The following BACH2 variants were observed in gnomAD, a reference collection of about 807,000 sequenced individuals.
BACH2 encodes transcription regulator protein BACH2.
A neutral mutation model predicts 61.8 loss-of-function variants in BACH2; 5 were observed. That is an observed-to-expected ratio of 0.08 (90% CI 0.04 to 0.17). BACH2 has a LOEUF of 0.17. Ranked by LOEUF, BACH2 falls within the 10% of genes least tolerant of loss-of-function variation. The pLI, the probability that BACH2 is intolerant of heterozygous loss-of-function variation, is 1.00. For synonymous variants in BACH2, 446 were observed against 440.1 expected (o/e 1.01, Z -0.17); for missense variants, 824 against 1,091.1 (o/e 0.76, Z 3.45).
chr6:90,149,270 C>T (rs973723399), intron 4 of BACH2, among the ~76,000 whole-genome samples: 5 of 152,186 alleles, frequency 3.3e-5, no homozygotes, highest in Non-Finnish European at 7.3e-5. Context: ...ATGTAAAAGG[C>T]TCATGTTTAC....
chr6:90,053,121 C>T (rs1289998318), intron 5 of BACH2, among the ~76,000 whole-genome samples: 1 of 152,150 alleles, frequency 6.6e-6, no homozygotes, highest in East Asian at 1.9e-4. Flanking sequence ...ATAATGCAAA[C>T]TCTGATTATC....
intron 4 of BACH2, among the ~76,000 whole-genome samples, chr6:90,108,454 G>C (rs923119864): frequency 2.0e-5 from 3 of 152,158 alleles, no homozygotes; most frequent in Non-Finnish European, 4.4e-5. Flanking sequence ...AGGTCAAGAA[G>C]AATCTAGTTA....
intron 3 of BACH2, among the ~76,000 whole-genome samples, chr6:90,233,377 TG>T: frequency 6.6e-6 from 1 of 152,344 alleles, no homozygotes; most frequent in East Asian, 1.9e-4. Flanking sequence ...CTGCCTTGGA[TG>T]GATCTTGTCT....
intron 4 of BACH2, among the ~76,000 whole-genome samples, chr6:90,172,685 T>C (rs1337191316): frequency 1.3e-5 from 2 of 152,016 alleles, no homozygotes; most frequent in African/African-American, 4.8e-5. Flanking sequence ...ATAGAAGGTA[T>C]TTTCAATCAA....
rs148882217 is a variant in BACH2, at chr6:89,937,331, T to C, written c.2043+813A>G. On this transcript the variant is annotated intron_variant, in intron 8 of 8. Coordinates refer to ENST00000257749, the MANE Select transcript of BACH2 (RefSeq NM_021813.4). ...GAAAGCAGTGGTACAAGACACGATT[T>C]GGAATCAGACACCTGGGTTTGCATT... 7.4e-3 allele frequency among the ~76,000 whole-genome samples: 1,124 copies of C among 152,298 alleles called. 4 individuals carry two copies. Among genetic ancestry groups the C allele is most frequent in the Admixed American group, 0.011 (169 of 15,296 alleles).
At chr6:90,250,279 TAAG>T (rs1008087834) in intron 3 of BACH2, among the ~76,000 whole-genome samples, 1 of 152,202 alleles carries the variant, frequency 6.6e-6, no homozygotes, top group African/African-American at 2.4e-5. Context: ...CAATCTACAC[TAAG>T]AATACTATTT....
intron 4 of BACH2, among the ~76,000 whole-genome samples, chr6:90,180,181 CT>C (rs1459440991): frequency 2.6e-5 from 4 of 151,936 alleles, no homozygotes; most frequent in Admixed American, 1.3e-4. Flanking sequence ...AAAAATTTAA[CT>C]TTTTAAAATA....
intron 5 of BACH2, among the ~76,000 whole-genome samples, chr6:90,074,919 G>A (rs1781403874): frequency 6.6e-6 from 1 of 152,126 alleles, no homozygotes; most frequent in Non-Finnish European, 1.5e-5. Flanking sequence ...AGACAGACAT[G>A]GGTAGGTAAG....
intron 4 of BACH2, among the ~76,000 whole-genome samples, chr6:90,169,236 AC>A (rs1422730077): frequency 4.6e-5 from 7 of 152,114 alleles, no homozygotes; most frequent in African/African-American, 1.7e-4. Context: ...AATTAGAAAA[AC>A]CACTAAAGTG....
intron 5 of BACH2, among the ~76,000 whole-genome samples, chr6:90,016,452 T>C (rs1157548699): frequency 6.6e-6 from 1 of 152,200 alleles, no homozygotes; most frequent in Non-Finnish European, 1.5e-5. Context: ...AATATGCTTC[T>C]TTAAGTTATC....
At chr6:90,189,476 C>T (rs551986341) in intron 4 of BACH2, among the ~76,000 whole-genome samples, 3 of 152,092 alleles carry the variant, frequency 2.0e-5, no homozygotes, top group East Asian at 3.9e-4. Flanking sequence ...GGCGCGGTGG[C>T]GGGCGCCCGT....
chr6:90,215,390 A>G (rs560315102), intron 3 of BACH2, among the ~76,000 whole-genome samples: 1 of 152,242 alleles, frequency 6.6e-6, no homozygotes, highest in Admixed American at 6.5e-5. Flanking sequence ...GTGAGTATAG[A>G]CACCATAGCC....
chr6:90,181,965 G>T (rs900234385), intron 4 of BACH2, among the ~76,000 whole-genome samples: 3 of 152,108 alleles, frequency 2.0e-5, no homozygotes, highest in Non-Finnish European at 2.9e-5. Flanking sequence ...TCACAGGCAG[G>T]ACTCACTAGC....
At chr6:90,092,152 A>G (rs1782184635) in intron 4 of BACH2, among the ~76,000 whole-genome samples, 1 of 151,946 alleles carries the variant, frequency 6.6e-6, no homozygotes, top group Non-Finnish European at 1.5e-5. Context: ...TGGATACTCA[A>G]ACTGTACAAC....
chr6:90,092,230 TTC>T (rs937866785), intron 4 of BACH2, among the ~76,000 whole-genome samples: 1 of 147,526 alleles, frequency 6.8e-6, no homozygotes, highest in African/African-American at 2.5e-5. Context: ...AGCAACCCAC[TTC>T]TGTTTCAATG....
intron 4 of BACH2, among the ~76,000 whole-genome samples, chr6:90,133,339 G>C (rs1784141862): frequency 6.6e-6 from 1 of 152,144 alleles, no homozygotes; most frequent in African/African-American, 2.4e-5. Context: ...GGAAGACACA[G>C]CAGAATTGAA....
At chr6:90,036,502 A>G (rs1779270013) in intron 5 of BACH2, among the ~76,000 whole-genome samples, 1 of 152,186 alleles carries the variant, frequency 6.6e-6, no homozygotes, top group African/African-American at 2.4e-5. Context: ...TTACAGAAAC[A>G]TTTAAAGAAT....
At chr6:90,045,285 T>G (rs750155942) in intron 5 of BACH2, among the ~76,000 whole-genome samples, 2 of 152,236 alleles carry the variant, frequency 1.3e-5, no homozygotes, top group Non-Finnish European at 2.9e-5. Flanking sequence ...TTTCCACTGC[T>G]TGGCTTGTGT....
chr6:90,058,690 A>G (rs1384192017), intron 5 of BACH2, among the ~76,000 whole-genome samples: 1 of 152,204 alleles, frequency 6.6e-6, no homozygotes, highest in Non-Finnish European at 1.5e-5. Flanking sequence ...AAAAGAACAA[A>G]GCTGGAGGCA....
Sources: gnomAD v4.1 joint callset for allele counts (sites outside exome capture counted in the v4.1 genomes callset) on GRCh38, gnomAD v4.1.1 for gene constraint, MANE v1.5 for transcripts, NCBI Gene and HGNC (gene_info 2026-07-23, HGNC 2026-07-21) for gene names.